The following NIPBL variants were observed in gnomAD, a reference collection of about 807,000 sequenced individuals.
The protein encoded by NIPBL is NIPBL cohesin loading factor.
In NIPBL, 19 loss-of-function variants were observed where a neutral mutation model predicts 321.8. The observed-to-expected ratio is 0.06, with a 90% CI of 0.04 to 0.09. The LOEUF (loss-of-function observed/expected upper bound fraction) is 0.09, where lower values mean the gene tolerates loss of function less well. NIPBL is among the 10% of genes least tolerant of loss of function. NIPBL has a pLI of 1.00. For synonymous variants in NIPBL, 1,106 were observed against 1,114.1 expected, an observed-to-expected ratio of 0.99 and a Z score of 0.14; for missense variants, 2,210 against 3,327.0, an observed-to-expected ratio of 0.66 and a Z score of 8.26.
intron 31 of NIPBL, 28 bp downstream of exon 31, chr5:37,026,355 T>C: frequency 1.5e-6 from 2 of 1,313,914 alleles, no homozygotes; most frequent in Non-Finnish European, 1.1e-6. Flanking sequence ...AAGGGTGTGG[T>C]CACTGTTGAT....
chr5:37,037,409 G>GTATATATATATATATATGTA (rs1751826075), intron 33 of NIPBL, among the ~76,000 whole-genome samples: 1 of 140,240 alleles, frequency 7.1e-6, no homozygotes, highest in Non-Finnish European at 1.5e-5. Context: ...ATATATATAT[G>GTATATATATATATATATGTA]TATATATATA....
chr5:36,909,470 G>A (rs1232733617), intron 1 of NIPBL, among the ~76,000 whole-genome samples: 2 of 152,000 alleles, frequency 1.3e-5, no homozygotes, highest in Non-Finnish European at 2.9e-5. Flanking sequence ...ACTACTGTTT[G>A]AATCAAAATT....
At chr5:37,008,301 A>G (rs891542730) in intron 19 of NIPBL, among the ~76,000 whole-genome samples, 3 of 152,088 alleles carry the variant, frequency 2.0e-5, no homozygotes, top group Non-Finnish European at 2.9e-5. Context: ...TTTTTGTCAC[A>G]TTTAAAACAC....
chr5:36,919,157 G>A (rs933686572), intron 1 of NIPBL, among the ~76,000 whole-genome samples: 8 of 151,882 alleles, frequency 5.3e-5, no homozygotes, highest in Middle Eastern at 3.4e-3. Flanking sequence ...TTTTAATATA[G>A]GATTACCAGG....
intron 1 of NIPBL, among the ~76,000 whole-genome samples, chr5:36,914,303 G>A (rs547067911): frequency 5.9e-5 from 9 of 152,302 alleles, no homozygotes; most frequent in Non-Finnish European, 8.8e-5. Context: ...AGAAATATGC[G>A]TAGCCTTTAA....
Position 36,986,257 on chromosome 5 carries a change from G to C in NIPBL, c.3077G>C (p.Ser1026Thr), listed in dbSNP as rs1269474003. The C allele has an allele frequency of 1.3e-6, 2 of 1,554,302 alleles. No individual in the cohort carries two copies. The highest frequency in any genetic ancestry group is 1.4e-5 in the African/African-American group (1 of 72,528). Residue 1026 changes from serine to threonine, a missense_variant, in exon 10 of 47, where the codon AGT becomes ACT. Ser to Thr is a moderately conservative substitution (Grantham distance 58). This residue lies in a region of NIPBL where 381 missense variants were observed against 642.3 expected (regional missense o/e 0.59). Coordinates refer to ENST00000282516, the MANE Select transcript of NIPBL (RefSeq NM_133433.4). ...AAAGATAGAGAGGACAAATCAAGAAGTTCCCTTAAACCTATCAAGAATAAA... is the reference window on the plus strand; with the variant it reads ...AAAGATAGAGAGGACAAATCAAGAACTTCCCTTAAACCTATCAAGAATAAA... ...LIKDREDKSR[S>T]SLKPIKNKPS...
At chr5:36,947,479 A>G (rs536042056) in intron 1 of NIPBL, among the ~76,000 whole-genome samples, 8 of 152,162 alleles carry the variant, frequency 5.3e-5, no homozygotes, top group Admixed American at 2.0e-4. Flanking sequence ...AAAGATATCA[A>G]CATTATGTAA....
chr5:37,007,580 T>G, intron 18 of NIPBL, 106 bp downstream of exon 18: 1 of 787,600 alleles, frequency 1.3e-6, no homozygotes, highest in Non-Finnish European at 2.0e-6. Flanking sequence ...ATCAAGAATT[T>G]TTCCTGTTAA....
At chr5:36,997,816 T>C (rs921169670) in intron 11 of NIPBL, among the ~76,000 whole-genome samples, 1 of 152,166 alleles carries the variant, frequency 6.6e-6, no homozygotes, top group Non-Finnish European at 1.5e-5. Flanking sequence ...ATTGAAAATA[T>C]AGCACAATAC....
chr5:36,974,072 A>G (rs1220069211), intron 8 of NIPBL, among the ~76,000 whole-genome samples: 1 of 152,196 alleles, frequency 6.6e-6, no homozygotes, highest in Non-Finnish European at 1.5e-5. Flanking sequence ...AACTATTTGT[A>G]GGTTAGATAC....
At chr5:36,887,110 T>TA (rs1745968981) in intron 1 of NIPBL, among the ~76,000 whole-genome samples, 1 of 152,284 alleles carries the variant, frequency 6.6e-6, no homozygotes, top group Admixed American at 6.5e-5. Flanking sequence ...AAATTTTACT[T>TA]ACCTGTTTAA....
intron 21 of NIPBL, among the ~76,000 whole-genome samples, chr5:37,013,326 G>T (rs1052398478): frequency 1.3e-5 from 2 of 151,500 alleles, no homozygotes; most frequent in Non-Finnish European, 3.0e-5. Flanking sequence ...CCCGGACGGG[G>T]CGGCTGGCCG....
At chr5:37,052,018 A>T in intron 41 of NIPBL, 132 bp downstream of exon 41, 1 of 747,518 alleles carries the variant, frequency 1.3e-6, no homozygotes, top group Non-Finnish European at 2.3e-6. Flanking sequence ...CTAAACATGC[A>T]ACTAAGTTAG....
intron 1 of NIPBL, among the ~76,000 whole-genome samples, chr5:36,916,169 A>G (rs2149551513): frequency 6.6e-6 from 1 of 152,358 alleles, no homozygotes; most frequent in Middle Eastern, 3.4e-3. Flanking sequence ...AAGTTTCCTA[A>G]TAAAAGTAGA....
intron 10 of NIPBL, among the ~76,000 whole-genome samples, chr5:36,992,993 G>T (rs1353840571): frequency 1.3e-5 from 2 of 151,872 alleles, no homozygotes; most frequent in Non-Finnish European, 2.9e-5. Flanking sequence ...CACCCACCTC[G>T]GCCTCCCAAA....
chr5:36,971,883 T>G (rs1022140744), intron 7 of NIPBL, 62 bp from the exon 8 acceptor site: 3 of 1,554,634 alleles, frequency 1.9e-6, no homozygotes, highest in Non-Finnish European at 1.8e-6. Context: ...TTGGTTCTCT[T>G]TTAAGATTTC....
At chr5:36,959,039 C>G (rs1741302542) in intron 4 of NIPBL, among the ~76,000 whole-genome samples, 2 of 151,916 alleles carry the variant, frequency 1.3e-5, no homozygotes, top group Non-Finnish European at 2.9e-5. Context: ...AAACCTGTCT[C>G]TACAAAAAAA....
chr5:36,959,244 A>G (rs890969061), intron 4 of NIPBL, among the ~76,000 whole-genome samples: 1 of 152,060 alleles, frequency 6.6e-6, no homozygotes, highest in Non-Finnish European at 1.5e-5. Flanking sequence ...AATTTTGCCA[A>G]ATTCATTTTG....
chr5:36,881,218 G>A (rs1036603728), intron 1 of NIPBL, among the ~76,000 whole-genome samples: 2 of 151,368 alleles, frequency 1.3e-5, no homozygotes, highest in Admixed American at 6.6e-5. Flanking sequence ...AATTTTAAAG[G>A]GTATTTTATG....
Sources: allele counts gnomAD v4.1 joint callset (sites outside exome capture counted in the v4.1 genomes callset), GRCh38; gene constraint gnomAD v4.1.1; regional missense constraint gnomAD v4.1.1; transcripts MANE v1.5; gene names NCBI Gene and HGNC (gene_info 2026-07-23, HGNC 2026-07-21).